Variants in EXOC6 observed in about 807,000 individuals in gnomAD.
The protein encoded by EXOC6 is exocyst complex component 6, also known as SEC15-like 1.
In EXOC6, 60 loss-of-function variants were observed where a neutral mutation model predicts 112.5. That is an observed-to-expected ratio of 0.53 (90% confidence interval 0.43 to 0.66). EXOC6 has a LOEUF of 0.66. EXOC6 is among the 30% of genes least tolerant of loss of function. The pLI, the probability that EXOC6 is intolerant of heterozygous loss-of-function variation, is 0.00. For synonymous variants in EXOC6, 295 were observed against 308.0 expected, an observed-to-expected ratio of 0.96 and a Z score of 0.44; for missense variants, 855 against 957.1, an observed-to-expected ratio of 0.89 and a Z score of 1.41.
intron 2 of EXOC6, 152 bp downstream of exon 2, chr10:92,893,672 C>T: frequency 1.8e-6 from 1 of 569,986 alleles, no homozygotes; most frequent in Non-Finnish European, 3.0e-6. Flanking sequence ...GCTCTATTAA[C>T]ACAGTTGTCA....
intron 1 of EXOC6, among the ~76,000 whole-genome samples, chr10:92,870,059 C>G (rs1848373089): frequency 6.9e-6 from 1 of 145,906 alleles, no homozygotes; most frequent in Admixed American, 7.2e-5. Context: ...TCAAGTGTTT[C>G]TCCTGCCTTG....
At chr10:92,880,404 AC>A (rs5787022) in intron 1 of EXOC6, among the ~76,000 whole-genome samples, 4,155 of 152,004 alleles carry the variant, frequency 0.027, 152 homozygotes, top group East Asian at 0.14. Context: ...GGGATACGGA[AC>A]CCCCAGATAC....
chr10:92,964,376 T>C (rs1209947136), intron 17 of EXOC6, among the ~76,000 whole-genome samples: 1 of 152,118 alleles, frequency 6.6e-6, no homozygotes, highest in Non-Finnish European at 1.5e-5. Context: ...GTAGTGACAT[T>C]GGATAATGAG....
At chr10:92,873,666 AG>A (rs1418679008) in intron 1 of EXOC6, among the ~76,000 whole-genome samples, 1 of 152,198 alleles carries the variant, frequency 6.6e-6, no homozygotes, top group Admixed American at 6.5e-5. Flanking sequence ...GAGCACATAT[AG>A]CAAACTAGAT....
intron 18 of EXOC6, among the ~76,000 whole-genome samples, chr10:92,983,963 A>G (rs572079238): frequency 1.2e-3 from 181 of 152,098 alleles, no homozygotes; most frequent in African/African-American, 4.2e-3. Flanking sequence ...TAGCTATACT[A>G]TTATTTTTAT....
chr10:92,975,483 T>C lies in EXOC6; in HGVS notation c.1953+1251T>C, dbSNP rs1393753706. ...CCGTCCGGGAGGGAGGTGGGGGGGG[T>C]CAGCCCCCCGCCCACCCAGCCGCCC... On this transcript the variant is annotated intron_variant, in intron 18 of 21. Coordinates refer to ENST00000260762, the MANE Select transcript of EXOC6 (RefSeq NM_019053.6). Among the ~76,000 whole-genome samples, 15 of 108,176 alleles carry C rather than the reference T, an allele frequency of 1.4e-4. No individual in the cohort carries two copies. In the East Asian group the frequency reaches 3.3e-3, roughly 24 times the overall value. 71.0% of individuals were successfully genotyped at this position (108,176 alleles called of 152,430 possible). A position where few individuals can be genotyped will look rare whatever the true frequency, so the allele number is the denominator to read the frequency against.
At chr10:92,933,815 A>AGG in intron 9 of EXOC6, among the ~76,000 whole-genome samples, 1 of 152,116 alleles carries the variant, frequency 6.6e-6, no homozygotes. Context: ...ACATTCTGGT[A>AGG]GGGGACAGGC....
intron 6 of EXOC6, among the ~76,000 whole-genome samples, chr10:92,911,637 C>T (rs1475609396): frequency 6.6e-6 from 1 of 151,954 alleles, no homozygotes; most frequent in African/African-American, 2.4e-5. Context: ...TCTCTTGGTC[C>T]ACTATCATTT....
At chr10:92,860,412 C>T (rs561287884) in intron 1 of EXOC6, among the ~76,000 whole-genome samples, 3 of 151,970 alleles carry the variant, frequency 2.0e-5, no homozygotes, top group East Asian at 1.9e-4. Context: ...AGCTGGCATG[C>T]ACCACCATGC....
At chr10:92,871,458 TC>T (rs1436451169) in intron 1 of EXOC6, among the ~76,000 whole-genome samples, 1 of 146,426 alleles carries the variant, frequency 6.8e-6, no homozygotes, top group African/African-American at 2.6e-5. Flanking sequence ...GTGATTGTGT[TC>T]CTGCACTCCT....
At chr10:92,940,856 G>A in intron 13 of EXOC6, 32 bp downstream of exon 13, 2 of 1,343,814 alleles carry the variant, frequency 1.5e-6, no homozygotes. Context: ...TTAATATAAT[G>A]AATATGTTTG....
intron 12 of EXOC6, among the ~76,000 whole-genome samples, chr10:92,937,278 A>G (rs1852396636): frequency 6.6e-6 from 1 of 152,192 alleles, no homozygotes; most frequent in South Asian, 2.1e-4. Flanking sequence ...AAAGTAAAAC[A>G]TATTTCTCCA....
intron 19 of EXOC6, among the ~76,000 whole-genome samples, chr10:93,010,613 C>A (rs1453917493): frequency 6.6e-6 from 1 of 151,198 alleles, no homozygotes; most frequent in Non-Finnish European, 1.5e-5. Flanking sequence ...GCATGAGAAA[C>A]GCTTGAACCT....
chr10:92,851,024 AAAT>A (rs1847303363), intron 1 of EXOC6, among the ~76,000 whole-genome samples: 1 of 152,240 alleles, frequency 6.6e-6, no homozygotes, highest in African/African-American at 2.4e-5. Flanking sequence ...AACACACAAA[AAAT>A]AAATCAAAAG....
intron 1 of EXOC6, among the ~76,000 whole-genome samples, chr10:92,864,824 T>G (rs1254086763): frequency 6.6e-6 from 1 of 152,290 alleles, no homozygotes; most frequent in East Asian, 1.9e-4. Context: ...TGGTCTGAAT[T>G]ATACCACTGG....
intron 20 of EXOC6, among the ~76,000 whole-genome samples, chr10:93,048,423 GT>G (rs1179479977): frequency 6.6e-6 from 1 of 151,828 alleles, no homozygotes; most frequent in Non-Finnish European, 1.5e-5. Flanking sequence ...CATTGGCTGG[GT>G]GCAGTGGCTC....
rs540589349 is a variant in EXOC6, at chr10:92,991,507, G to A, written c.1954-5967G>A. ...ATGGGACTGCCATGGCAGAAGCAGT[G>A]ATACTTGTAGAAAGCTAAAAATTTG... is the stretch of plus-strand genomic sequence containing the variant. On this transcript the variant is annotated intron_variant, in intron 18 of 21. Coordinates refer to ENST00000260762, the MANE Select transcript of EXOC6 (RefSeq NM_019053.6). 6.7e-4 allele frequency among the ~76,000 whole-genome samples: 102 copies of A among 151,426 alleles called. 2 individuals are homozygous for A. The highest frequency in any genetic ancestry group is 2.4e-3 in the African/African-American group (98 of 41,278).
chr10:92,853,201 G>A (rs1253159007), intron 1 of EXOC6, among the ~76,000 whole-genome samples: 1 of 152,136 alleles, frequency 6.6e-6, no homozygotes, highest in Non-Finnish European at 1.5e-5. Flanking sequence ...ACTTGTATGT[G>A]AAAAATACAA....
At chr10:92,848,427 C>G (rs1052670912), upstream of EXOC6, 1 of 906,308 alleles carries the variant, frequency 1.1e-6, no homozygotes, top group Admixed American at 6.0e-5. Context: ...CGCCGCCGGC[C>G]CGAGCGCCCC....
Sources: allele counts gnomAD v4.1 joint callset (sites outside exome capture counted in the v4.1 genomes callset), GRCh38; gene constraint gnomAD v4.1.1; transcripts MANE v1.5; gene names NCBI Gene and HGNC (gene_info 2026-07-23, HGNC 2026-07-21).